Variants in ADCY2 observed in about 807,000 individuals in gnomAD.
The protein encoded by ADCY2 is adenylate cyclase 2.
ADCY2 carries 31 observed loss-of-function variants against 125.2 expected under a neutral mutation model. That is an observed-to-expected ratio of 0.25 (90% CI 0.19 to 0.33). The LOEUF (loss-of-function observed/expected upper bound fraction) is 0.33. Ranked by LOEUF, ADCY2 falls within the 10% of genes least tolerant of loss-of-function variation. The probability of loss-of-function intolerance (pLI) is 1.00; values close to 1 mark genes in which losing one functional copy is unlikely to be tolerated. For synonymous variants in ADCY2, 512 were observed against 548.4 expected, an observed-to-expected ratio of 0.93 and a Z score of 0.93; for missense variants, 904 against 1,418.2, an observed-to-expected ratio of 0.64 and a Z score of 5.82.
intron 2 of ADCY2, among the ~76,000 whole-genome samples, chr5:7,472,240 A>G (rs1184463193): frequency 2.0e-5 from 3 of 152,178 alleles, no homozygotes; most frequent in African/African-American, 7.2e-5. Context: ...TTGTGCTCAC[A>G]TAAGATTAAT....
intron 3 of ADCY2, among the ~76,000 whole-genome samples, chr5:7,571,097 G>T (rs1327344184): frequency 1.3e-5 from 2 of 151,860 alleles, no homozygotes; most frequent in African/African-American, 2.4e-5. Flanking sequence ...ATTAGTCAGG[G>T]TTCTCTAGAG....
intron 15 of ADCY2, among the ~76,000 whole-genome samples, chr5:7,754,440 TTATCA>T (rs1240934946): frequency 1.3e-5 from 2 of 152,148 alleles, no homozygotes; most frequent in Non-Finnish European, 2.9e-5. Context: ...AACATTTTCA[TTATCA>T]TATCTATTGA....
chr5:7,408,130 A>T (rs1739573119), intron 1 of ADCY2, among the ~76,000 whole-genome samples: 1 of 151,526 alleles, frequency 6.6e-6, no homozygotes, highest in African/African-American at 2.4e-5. Flanking sequence ...TCAACCTCCT[A>T]AATGGGTGGG....
intron 2 of ADCY2, among the ~76,000 whole-genome samples, chr5:7,437,739 C>A (rs755986242): frequency 6.6e-6 from 1 of 152,202 alleles, no homozygotes; most frequent in Non-Finnish European, 1.5e-5. Flanking sequence ...GATACTGATA[C>A]CAATGGGATC....
At chr5:7,508,453 G>T (rs547004352) in intron 2 of ADCY2, among the ~76,000 whole-genome samples, 2 of 152,248 alleles carry the variant, frequency 1.3e-5, no homozygotes, top group East Asian at 3.9e-4. Context: ...TTTGGTTTGG[G>T]TCCAGATCTG....
chr5:7,691,127 G>A, intron 5 of ADCY2: 1 of 226,230 alleles, frequency 4.4e-6, no homozygotes, highest in Admixed American at 5.7e-5. Context: ...GAAGGGGACA[G>A]CGGGGTCTTC....
At chr5:7,673,866 T>C (rs570157296) in intron 4 of ADCY2, among the ~76,000 whole-genome samples, 6 of 152,284 alleles carry the variant, frequency 3.9e-5, no homozygotes, top group East Asian at 1.9e-4. Flanking sequence ...TCCATTCTAT[T>C]TGAGGCATGT....
In ADCY2 at chr5:7,690,588, C is replaced by T. The variant is rs1335614643; in HGVS notation, c.721-103C>T. 2.7e-6 allele frequency: 3 copies of T among 1,095,396 alleles called. No individual in the cohort carries two copies. In the African/African-American group the frequency reaches 4.9e-5, roughly 18 times the overall value. The allele number at this position is 1,095,396 out of a possible 1,614,324, so 67.9% of individuals were successfully genotyped here. On this transcript the variant is annotated intron_variant, in intron 4 of 24. Coordinates refer to ENST00000338316, the MANE Select transcript of ADCY2 (RefSeq NM_020546.3). ...GTATTTTAGCTTCCAGGAAAGAATT[C>T]CCAAACTGGCCTTCCTACAAATCAG...
chr5:7,702,114 G>A (rs966263366), intron 7 of ADCY2, among the ~76,000 whole-genome samples: 6 of 152,060 alleles, frequency 3.9e-5, no homozygotes, highest in Non-Finnish European at 5.9e-5. Context: ...ATTTTGGGCT[G>A]GGCATGGTGG....
chr5:7,675,291 T>C (rs1164664665), intron 4 of ADCY2, among the ~76,000 whole-genome samples: 1 of 152,228 alleles, frequency 6.6e-6, no homozygotes, highest in African/African-American at 2.4e-5. Context: ...TCTTTATGGT[T>C]ATCAAAAAAT....
At chr5:7,487,225 C>T (rs936785911) in intron 2 of ADCY2, among the ~76,000 whole-genome samples, 1 of 152,146 alleles carries the variant, frequency 6.6e-6, no homozygotes, top group African/African-American at 2.4e-5. Flanking sequence ...ACCATCACAG[C>T]CAAGGGCCTG....
At chr5:7,665,828 CTTTTTTTT>C (rs70940750) in intron 4 of ADCY2, among the ~76,000 whole-genome samples, 18 of 38,630 alleles carry the variant, frequency 4.7e-4, no homozygotes, top group East Asian at 1.3e-3. Context: ...TAATTTAATT[CTTTTTTTT>C]TTTTTTTTTT....
chr5:7,739,570 G>T (rs1490717322), intron 14 of ADCY2, among the ~76,000 whole-genome samples: 2 of 151,592 alleles, frequency 1.3e-5, no homozygotes, highest in Admixed American at 6.6e-5. Context: ...CTAAAAAGAA[G>T]AAATCAATAA....
chr5:7,612,051 C>T (rs1037145672), intron 3 of ADCY2, among the ~76,000 whole-genome samples: 2 of 152,142 alleles, frequency 1.3e-5, no homozygotes, highest in African/African-American at 4.8e-5. Context: ...GTTGGCAATA[C>T]ACAGAGCTCT....
In ADCY2 at chr5:7,699,343, C is replaced by T. The variant is rs529355202; in HGVS notation, c.1109+969C>T. Among the ~76,000 whole-genome samples the T allele has an allele frequency of 6.5e-4, 99 of 151,536 alleles. 1 individual carries two copies. Among genetic ancestry groups the T allele is most frequent in the African/African-American group, 2.2e-3 (92 of 41,332 alleles). ...CGATCTCCTGATCTCGTGATCCGCCCGCCTCGGCCTCCCAAAGTGCTGGGA... is the reference window on the plus strand; with the variant it reads ...CGATCTCCTGATCTCGTGATCCGCCTGCCTCGGCCTCCCAAAGTGCTGGGA... On this transcript the variant is annotated intron_variant, in intron 7 of 24. Transcript: ENST00000338316.
intron 3 of ADCY2, among the ~76,000 whole-genome samples, chr5:7,583,488 C>G (rs1176883139): frequency 6.6e-6 from 1 of 151,824 alleles, no homozygotes; most frequent in Non-Finnish European, 1.5e-5. Flanking sequence ...GATCAATGTC[C>G]CATAAACCCA....
intron 4 of ADCY2, among the ~76,000 whole-genome samples, chr5:7,687,169 A>G (rs1001673963): frequency 6.6e-6 from 1 of 152,242 alleles, no homozygotes; most frequent in Admixed American, 6.5e-5. Flanking sequence ...TTTACTTTCT[A>G]TATTTTTTAA....
chr5:7,592,996 G>T (rs781318097), intron 3 of ADCY2, among the ~76,000 whole-genome samples: 1 of 152,114 alleles, frequency 6.6e-6, no homozygotes, highest in Non-Finnish European at 1.5e-5. Context: ...GAGGTTTTAT[G>T]TTACTCACGT....
At chr5:7,576,383 C>T (rs1736249642) in intron 3 of ADCY2, among the ~76,000 whole-genome samples, 1 of 152,220 alleles carries the variant, frequency 6.6e-6, no homozygotes, top group Non-Finnish European at 1.5e-5. Flanking sequence ...ATGGAAAATG[C>T]TTCCCATTCC....
Sources: allele counts gnomAD v4.1 joint callset (sites outside exome capture counted in the v4.1 genomes callset), GRCh38; gene constraint gnomAD v4.1.1; transcripts MANE v1.5; gene names NCBI Gene and HGNC (gene_info 2026-07-23, HGNC 2026-07-21).